CPQ: variants seen among roughly 807,000 people sequenced by gnomAD.
The protein encoded by CPQ is Ser-Met dipeptidase.
Under a neutral mutation model 45.7 loss-of-function variants are expected in CPQ, and 37 were observed. The ratio of observed to expected loss-of-function variants is 0.81; its 90% confidence interval spans 0.62 to 1.07. CPQ has a LOEUF of 1.07. CPQ is among the 50% of genes least tolerant of loss of function. CPQ has a pLI of 0.00. For missense variants in CPQ, 537 were observed against 572.9 expected, an observed-to-expected ratio of 0.94 and a Z score of 0.64; for synonymous variants, 186 against 205.8, an observed-to-expected ratio of 0.90 and a Z score of 0.82.
intron 2 of CPQ, among the ~76,000 whole-genome samples, chr8:96,824,825 G>A (rs1050863866): frequency 5.3e-5 from 8 of 152,062 alleles, no homozygotes; most frequent in African/African-American, 1.9e-4. Flanking sequence ...TGATTTCAGT[G>A]GTTGGGGATA....
chr8:96,946,933 T>G (rs1813196831), intron 4 of CPQ, among the ~76,000 whole-genome samples: 1 of 152,158 alleles, frequency 6.6e-6, no homozygotes, highest in Non-Finnish European at 1.5e-5. Context: ...GAATTTGATT[T>G]TATTTTTTCA....
intron 5 of CPQ, among the ~76,000 whole-genome samples, chr8:97,022,165 A>G (rs1025574761): frequency 2.0e-5 from 3 of 152,248 alleles, no homozygotes; most frequent in African/African-American, 7.2e-5. Context: ...TGGTGCTGGG[A>G]TAATTGGCAA....
intron 1 of CPQ, among the ~76,000 whole-genome samples, chr8:96,701,321 A>T (rs960191183): frequency 3.3e-5 from 5 of 152,170 alleles, no homozygotes; most frequent in Non-Finnish European, 5.9e-5. Context: ...GTCTAGTGTG[A>T]TGCCTGAGAC....
At chr8:96,991,553 CATAATAATAATA>C (rs36215104) in intron 5 of CPQ, among the ~76,000 whole-genome samples, 17,778 of 139,850 alleles carry the variant, frequency 0.13, 1,252 homozygotes, top group Admixed American at 0.17. Flanking sequence ...AAGAGTCTGT[CATAATAATAATA>C]ATAATAATAA....
At chr8:97,109,280 A>G (rs1020450431) in intron 7 of CPQ, among the ~76,000 whole-genome samples, 7 of 152,154 alleles carry the variant, frequency 4.6e-5, no homozygotes, top group East Asian at 3.9e-4. Flanking sequence ...CTGTTGGTCT[A>G]TGCCATACAA....
rs571760217 is a variant in CPQ, at chr8:97,060,721, C to T, written c.1054-5288C>T. Among the ~76,000 whole-genome samples the T allele has an allele frequency of 1.0e-3, 152 of 152,262 alleles. 1 individual carries two copies. Among genetic ancestry groups the T allele is most frequent in the African/African-American group, 3.5e-3 (147 of 41,546 alleles). On this transcript the variant is annotated intron_variant, in intron 6 of 7. Transcript: ENST00000220763. ...AAACAAGAGGATGAATATCTTGTTA[C>T]ATGTGCTAAAATGAGTTGGGTGAAA... is the stretch of plus-strand genomic sequence containing the variant.
intron 1 of CPQ, among the ~76,000 whole-genome samples, chr8:96,775,570 A>G (rs771125928): frequency 1.3e-5 from 2 of 152,186 alleles, no homozygotes; most frequent in African/African-American, 2.4e-5. Flanking sequence ...TGCACAAAAC[A>G]CAGCATAGTC....
At chr8:97,055,822 G>T (rs959188698) in intron 6 of CPQ, among the ~76,000 whole-genome samples, 1 of 152,064 alleles carries the variant, frequency 6.6e-6, no homozygotes, top group East Asian at 1.9e-4. Flanking sequence ...TTTTTAGGCC[G>T]GGCACAGTGG....
chr8:96,882,185 C>G (rs1474885174), intron 4 of CPQ, among the ~76,000 whole-genome samples: 1 of 152,180 alleles, frequency 6.6e-6, no homozygotes, highest in Non-Finnish European at 1.5e-5. Flanking sequence ...CTTCTAAAAT[C>G]ATCTGCTTCA....
chr8:96,706,782 A>G (rs894997969), intron 1 of CPQ, among the ~76,000 whole-genome samples: 1 of 152,216 alleles, frequency 6.6e-6, no homozygotes, highest in African/African-American at 2.4e-5. Context: ...TTTTTATTCA[A>G]TAGTCATTAC....
chr8:97,095,678 A>G (rs1329847926), intron 7 of CPQ, among the ~76,000 whole-genome samples: 2 of 152,132 alleles, frequency 1.3e-5, no homozygotes, highest in African/African-American at 2.4e-5. Context: ...AAAAACACCA[A>G]ATTATTTCAC....
intron 4 of CPQ, among the ~76,000 whole-genome samples, chr8:96,949,294 G>T (rs1813230299): frequency 6.7e-6 from 1 of 149,498 alleles, no homozygotes; most frequent in Non-Finnish European, 1.5e-5. Flanking sequence ...AATTCTTGTT[G>T]ACATTTTTAG....
At chr8:96,835,858 T>G (rs1281656255) in intron 3 of CPQ, among the ~76,000 whole-genome samples, 2 of 152,234 alleles carry the variant, frequency 1.3e-5, no homozygotes, top group African/African-American at 2.4e-5. Context: ...GTAATATTGT[T>G]TGAGAGTAAC....
At chr8:96,935,354 CAT>C (rs966530816) in intron 4 of CPQ, among the ~76,000 whole-genome samples, 1 of 152,128 alleles carries the variant, frequency 6.6e-6, no homozygotes, top group Non-Finnish European at 1.5e-5. Context: ...TGGCTTGAGA[CAT>C]GTGCCTACTT....
In CPQ at chr8:96,921,080, A is replaced by G. The variant is rs140843621; in HGVS notation, c.849+41075A>G. 3.9e-5 allele frequency among the ~76,000 whole-genome samples: 6 copies of G among 152,170 alleles called. No individual in the cohort carries two copies. The East Asian group carries it at 1.2e-3, about 29-fold the overall frequency. ...TCCTATAAAGTAAGTGTTATTATTA[A>G]CTCCCGTTTTACAGATGAAGCCATT... is the stretch of plus-strand genomic sequence containing the variant. On this transcript the variant is annotated intron_variant, in intron 4 of 7. Transcript: ENST00000220763.
chr8:96,876,622 T>C (rs1812148370), intron 3 of CPQ, among the ~76,000 whole-genome samples: 1 of 152,150 alleles, frequency 6.6e-6, no homozygotes, highest in Non-Finnish European at 1.5e-5. Context: ...GTTTGATTAG[T>C]GATTTTATCA....
At chr8:97,013,561 G>A (rs936203848) in intron 5 of CPQ, among the ~76,000 whole-genome samples, 1 of 152,284 alleles carries the variant, frequency 6.6e-6, no homozygotes, top group South Asian at 2.1e-4. Flanking sequence ...AGTGGAGCAG[G>A]AGGAATTGGA....
rs1247596737 is a variant in CPQ at position 97,122,464 on chromosome 8, AT to A, written c.1256-20550del. Among the ~76,000 whole-genome samples the A allele has an allele frequency of 4.6e-5, 7 of 152,304 alleles. No homozygotes were observed. The East Asian group carries it at 1.4e-3, about 29-fold the overall frequency. ...CTCAAAAATAAGAATGAAATTAAGA[AT>A]TTTTTAGACAAACAAAATTTGATGA... On this transcript the variant is annotated intron_variant, in intron 7 of 7. Coordinates refer to ENST00000220763, the MANE Select transcript of CPQ (RefSeq NM_016134.4).
intron 1 of CPQ, among the ~76,000 whole-genome samples, chr8:96,681,621 A>C (rs2130729433): frequency 6.6e-6 from 1 of 152,256 alleles, no homozygotes; most frequent in Non-Finnish European, 1.5e-5. Context: ...CAACACAGAA[A>C]CCCTACTTCA....
Sources: allele counts gnomAD v4.1 joint callset (sites outside exome capture counted in the v4.1 genomes callset), GRCh38; gene constraint gnomAD v4.1.1; transcripts MANE v1.5; gene names NCBI Gene and HGNC (gene_info 2026-07-23, HGNC 2026-07-21).